SERP2: variants seen among roughly 807,000 people sequenced by gnomAD.
SERP2 encodes the protein stress associated endoplasmic reticulum protein family member 2.
SERP2 carries 6 observed loss-of-function variants against 9.1 expected under a neutral mutation model. The observed-to-expected ratio is 0.66, with a 90% confidence interval of 0.36 to 1.30. The LOEUF (loss-of-function observed/expected upper bound fraction) is 1.30, where lower values mean the gene tolerates loss of function less well. Ranked by LOEUF, SERP2 falls within the 50% of genes most tolerant of loss-of-function variation. SERP2 has a pLI of 0.03. For synonymous variants in SERP2, 37 were observed against 27.3 expected, an observed-to-expected ratio of 1.35 and a Z score of -1.10; for missense variants, 58 against 81.9, an observed-to-expected ratio of 0.71 and a Z score of 1.13.
intron 2 of SERP2, among the ~76,000 whole-genome samples, chr13:44,386,089 C>T (rs962153576): frequency 2.0e-5 from 3 of 152,208 alleles, no homozygotes; most frequent in African/African-American, 7.2e-5. Flanking sequence ...ACTTTGGATG[C>T]ATGAGGCTGT....
chr13:44,397,185 G>A, intron 2 of SERP2, 87 bp from the exon 3 acceptor site: 3 of 1,015,614 alleles, frequency 3.0e-6, no homozygotes, highest in Non-Finnish European at 4.7e-6. Context: ...CAGGGCCCAG[G>A]GGTCTGCAGA....
intron 2 of SERP2, among the ~76,000 whole-genome samples, chr13:44,382,888 C>T (rs749768752): frequency 1.1e-4 from 17 of 152,188 alleles, no homozygotes; most frequent in African/African-American, 1.9e-4. Flanking sequence ...CCAGGGAAAG[C>T]GCACTGCGAT....
chr13:44,388,139 CTTTTT>C (rs11357439), intron 2 of SERP2, among the ~76,000 whole-genome samples: 8 of 148,432 alleles, frequency 5.4e-5, no homozygotes, highest in Admixed American at 4.0e-4. Flanking sequence ...GGTTTTTGGT[CTTTTT>C]TTTTTTTTAA....
At chr13:44,380,083 C>T (rs1214200739) in intron 2 of SERP2, among the ~76,000 whole-genome samples, 1 of 152,118 alleles carries the variant, frequency 6.6e-6, no homozygotes, top group Non-Finnish European at 1.5e-5. Flanking sequence ...GGCCTTATGC[C>T]TTATGAGAAA....
chr13:44,377,443 G>A (rs1263124097), intron 1 of SERP2, among the ~76,000 whole-genome samples: 1 of 152,214 alleles, frequency 6.6e-6, no homozygotes, highest in Admixed American at 6.5e-5. Context: ...CTTTGTTCAG[G>A]TAGCTTTATG....
chr13:44,380,080 T>C (rs1871885455), intron 2 of SERP2, among the ~76,000 whole-genome samples: 1 of 152,190 alleles, frequency 6.6e-6, no homozygotes, highest in Non-Finnish European at 1.5e-5. Flanking sequence ...AGAGGCCTTA[T>C]GCCTTATGAG....
intron 2 of SERP2, chr13:44,390,455 G>C: frequency 2.2e-6 from 1 of 456,686 alleles, no homozygotes; most frequent in Non-Finnish European, 4.4e-6. Context: ...CGGCAACTGA[G>C]ATGTTTAAAG....
intron 1 of SERP2, among the ~76,000 whole-genome samples, chr13:44,377,859 A>G (rs1871751750): frequency 6.6e-6 from 1 of 152,204 alleles, no homozygotes; most frequent in African/African-American, 2.4e-5. Context: ...ATTATCTCCT[A>G]TGTTTAAGTT....
intron 1 of SERP2, among the ~76,000 whole-genome samples, chr13:44,377,387 G>A (rs1307828625): frequency 2.0e-5 from 3 of 152,242 alleles, no homozygotes; most frequent in Non-Finnish European, 1.5e-5. Flanking sequence ...ACTGTGACAA[G>A]TTCCTGGGAA....
intron 1 of SERP2, among the ~76,000 whole-genome samples, chr13:44,376,950 G>A (rs932521959): frequency 6.6e-6 from 1 of 152,224 alleles, no homozygotes; most frequent in African/African-American, 2.4e-5. Context: ...GCAAACTCAT[G>A]TTTGGAGTAA....
At chr13:44,383,667 C>T (rs895555018) in intron 2 of SERP2, among the ~76,000 whole-genome samples, 2 of 151,274 alleles carry the variant, frequency 1.3e-5, no homozygotes, top group African/African-American at 4.9e-5. Flanking sequence ...CCTGCCTCAG[C>T]CTCCTGAGTA....
intron 2 of SERP2, among the ~76,000 whole-genome samples, chr13:44,386,156 T>G (rs2138788609): frequency 6.6e-6 from 1 of 152,158 alleles, no homozygotes; most frequent in South Asian, 2.1e-4. Flanking sequence ...AACACCAATA[T>G]GCAGACCACA....
chr13:44,396,570 T>C (rs1344580558), intron 2 of SERP2, among the ~76,000 whole-genome samples: 1 of 152,162 alleles, frequency 6.6e-6, no homozygotes, highest in Non-Finnish European at 1.5e-5. Flanking sequence ...TGGGACACAT[T>C]TGAAACCCAA....
chr13:44,385,966 C>T (rs970550469), intron 2 of SERP2, among the ~76,000 whole-genome samples: 5 of 152,164 alleles, frequency 3.3e-5, no homozygotes, highest in African/African-American at 4.8e-5. Context: ...TCATCCTTCC[C>T]GGCTGCATGT....
intron 2 of SERP2, among the ~76,000 whole-genome samples, chr13:44,382,664 G>A (rs912784266): frequency 2.0e-5 from 3 of 152,042 alleles, no homozygotes; most frequent in African/African-American, 7.2e-5. Context: ...CCAAGTCACT[G>A]ATAAAAGTCT....
intron 1 of SERP2, among the ~76,000 whole-genome samples, chr13:44,377,840 T>C (rs1372656441): frequency 6.6e-6 from 1 of 152,286 alleles, no homozygotes; most frequent in African/African-American, 2.4e-5. Flanking sequence ...TGTTCTTTGA[T>C]GAACGTTTAT....
In SERP2 at chr13:44,397,432, C is replaced by T. The variant is rs149957578; in HGVS notation, c.*120C>T. 1.0e-4 allele frequency: 77 copies of T among 759,312 alleles called. No individual in the cohort carries two copies. Among genetic ancestry groups the T allele is most frequent in the Non-Finnish European group, 1.7e-4 (73 of 438,652 alleles). 47.0% of individuals were successfully genotyped at this position (759,312 alleles called of 1,614,324 possible). A position where few individuals can be genotyped will look rare whatever the true frequency, so the allele number is the denominator to read the frequency against. ...CGGAATAGAAAAAAACGCTCCCCCA[C>T]TTGTTCCCTGATCACTTCATCGTGG... On this transcript the variant is annotated 3_prime_UTR_variant, in exon 3 of 3. Transcript: ENST00000379179.
chr13:44,387,688 T>C, intron 2 of SERP2, among the ~76,000 whole-genome samples: 1 of 152,230 alleles, frequency 6.6e-6, no homozygotes, highest in East Asian at 1.9e-4. Flanking sequence ...ATGCCACTCT[T>C]TGCAATACGG....
At chr13:44,378,615 A>G (rs1443853425) in intron 1 of SERP2, among the ~76,000 whole-genome samples, 3 of 151,800 alleles carry the variant, frequency 2.0e-5, no homozygotes, top group African/African-American at 7.3e-5. Context: ...CGTGTGTTGA[A>G]TGCAGCCTAT....
Sources: gnomAD v4.1 joint callset for allele counts (sites outside exome capture counted in the v4.1 genomes callset) on GRCh38, gnomAD v4.1.1 for gene constraint, MANE v1.5 for transcripts, NCBI Gene and HGNC (gene_info 2026-07-23, HGNC 2026-07-21) for gene names.